Variants in TMC2 observed in about 807,000 individuals in gnomAD.
TMC2 encodes the protein transmembrane channel like 2, also known as transmembrane channel-like protein 2.
A neutral mutation model predicts 105.9 loss-of-function variants in TMC2; 102 were observed. The observed-to-expected ratio is 0.96, with a 90% CI of 0.82 to 1.14. TMC2 has a LOEUF of 1.14. Among genes scored for constraint, TMC2 ranks in the 50% most tolerant of loss-of-function variants. The probability of loss-of-function intolerance (pLI) is 0.00; values close to 1 mark genes in which losing one functional copy is unlikely to be tolerated. For missense variants in TMC2, 1,093 were observed against 1,134.3 expected (o/e 0.96, Z 0.52); for synonymous variants, 402 against 422.8 (o/e 0.95, Z 0.60).
At chr20:2,543,438 G>A (rs2085904173) in intron 2 of TMC2, among the ~76,000 whole-genome samples, 1 of 152,178 alleles carries the variant, frequency 6.6e-6, no homozygotes, top group Non-Finnish European at 1.5e-5. Flanking sequence ...GTCTTTCAAA[G>A]TGAGAGCTGG....
At chr20:2,601,869 C>T (rs1193855955) in intron 10 of TMC2, among the ~76,000 whole-genome samples, 1 of 152,098 alleles carries the variant, frequency 6.6e-6, no homozygotes, top group African/African-American at 2.4e-5. Context: ...CGGAAAGTAC[C>T]ACGTCTGACA....
Position 2,610,454 on chromosome 20 carries a change from T to A in TMC2, c.1449T>A (p.Cys483Ter). The A allele has an allele frequency of 6.2e-7, 1 of 1,612,684 alleles. No individual in the cohort carries two copies. The highest frequency in any genetic ancestry group is 8.5e-7 in the Non-Finnish European group (1 of 1,179,342). The change falls in exon 12 of 20, where the codon TGT becomes TGA. Residue 483 changes from cysteine to a stop codon, truncating the protein, a stop_gained. Transcript: ENST00000358864. LOFTEE classifies it high-confidence loss of function. The stretch of plus-strand genomic sequence containing the variant: ...TGATGTCCCTGCTTGGAATGTTTTG[T>A]CCCCCTCTGTTTGAAACCATCGCTG... ...EIVMSLLGMF[C>*]PPLFETIAAL... is the part of the protein sequence containing the mutation.
intron 2 of TMC2, among the ~76,000 whole-genome samples, chr20:2,537,760 G>A (rs186667639): frequency 2.0e-5 from 3 of 152,236 alleles, no homozygotes; most frequent in Non-Finnish European, 2.9e-5. Context: ...CCCGTGAGCC[G>A]GTGAGGGAGC....
chr20:2,563,134 C>T (rs1370136795), intron 4 of TMC2, among the ~76,000 whole-genome samples: 4 of 152,178 alleles, frequency 2.6e-5, no homozygotes, highest in Non-Finnish European at 5.9e-5. Flanking sequence ...TGGCTCCTCT[C>T]ATACATGAGC....
chr20:2,612,217 C>T lies in TMC2; in HGVS notation c.1620C>T (p.Asn540=). Residue 540 remains asparagine, a synonymous_variant, in exon 13 of 20, where the codon AAC becomes AAT. Transcript: ENST00000358864. Reference sequence around the variant, plus strand: ...TTGCTAATGAAGAGACAATAAAGAACATCACTCACTGGACTCTGTTTAACT... The same window carrying T: ...TTGCTAATGAAGAGACAATAAAGAATATCACTCACTGGACTCTGTTTAACT... ...LKLANEETIK[N]ITHWTLFNYY... 1 of 1,610,442 alleles carries T rather than the reference C, an allele frequency of 6.2e-7. No homozygotes were observed.
chr20:2,588,691 T>TTGTGTGTGTGTGTGTGTGTGTG (rs57035040), intron 7 of TMC2, among the ~76,000 whole-genome samples: 1,766 of 143,488 alleles, frequency 0.012, 42 homozygotes, highest in African/African-American at 0.039. Flanking sequence ...GCATGTGTCT[T>TTGTGTGTGTGTGTGTGTGTGTG]TGTGTGTGTG....
intron 11 of TMC2, among the ~76,000 whole-genome samples, chr20:2,604,920 A>G (rs938558503): frequency 1.3e-5 from 2 of 152,174 alleles, no homozygotes; most frequent in Admixed American, 1.3e-4. Context: ...CAGATAATCT[A>G]GTAATTAAAT....
At chr20:2,543,723 A>G (rs576318162) in intron 2 of TMC2, among the ~76,000 whole-genome samples, 2 of 152,276 alleles carry the variant, frequency 1.3e-5, no homozygotes, top group South Asian at 4.1e-4. Context: ...ATGAGGGAAG[A>G]TGGTTTGAGT....
In TMC2 at chr20:2,594,920, G is replaced by C; in HGVS notation, c.1029G>C (p.Met343Ile). ...LRYRLPMAYFMVGVSVFGYSL... is the reference protein window; with the variant it reads ...LRYRLPMAYFIVGVSVFGYSL... ...ACCGGCTGCCTATGGCTTACTTTAT[G>C]GTGGGGGTCAGCGTGTTCGGCTACA... Residue 343 changes from methionine to isoleucine, a missense_variant, in exon 9 of 20, where the codon ATG becomes ATC. Transcript: ENST00000358864. The C allele has an allele frequency of 1.2e-6, 2 of 1,614,116 alleles. No individual in the cohort carries two copies. The highest frequency in any genetic ancestry group is 2.2e-5 in the South Asian group (2 of 91,076).
rs142393580 is a variant in TMC2, at chr20:2,562,695, C to T, written c.554+685C>T. The stretch of plus-strand genomic sequence containing the variant: ...AACAGTAGACTCACACCTGTAATCC[C>T]AGCACTTTGGGAGGCCAAGGCAGGT... On this transcript the variant is annotated intron_variant, in intron 4 of 19. Coordinates refer to ENST00000358864, the MANE Select transcript of TMC2 (RefSeq NM_080751.3). Among the ~76,000 whole-genome samples the T allele has an allele frequency of 5.6e-3, 860 of 152,300 alleles. 8 individuals carry two copies. The highest frequency in any genetic ancestry group is 0.02 in the African/African-American group (831 of 41,560).
chr20:2,638,301 G>A (rs1413188842), intron 19 of TMC2, among the ~76,000 whole-genome samples: 1 of 137,862 alleles, frequency 7.3e-6, no homozygotes, highest in Non-Finnish European at 1.6e-5. Flanking sequence ...AGCTTGCAAT[G>A]AGCTGAGATT....
At position 2,610,498 on chromosome 20, in the gene TMC2, C is replaced by T. The variant is rs2086428281; in HGVS notation, c.1493C>T (p.Pro498Leu). The change falls in exon 12 of 20, where the codon CCA becomes CTA. Residue 498 changes from proline to leucine, a missense_variant. Physicochemically the swap from Pro to Leu is moderately conservative, Grantham distance 98 (BLOSUM62 -3). Transcript: ENST00000358864. The stretch of plus-strand genomic sequence containing the variant: ...ATCGCTGCCCTGGAGAATTACCACC[C>T]ACGCACTGGACTGAAGTGGCAGCTG... ...ETIAALENYH[P>L]RTGLKWQLGR... The T allele has an allele frequency of 2.5e-6, 4 of 1,613,850 alleles. No individual in the cohort carries two copies. The highest frequency in any genetic ancestry group is 3.3e-5 in the Admixed American group (2 of 59,988).
rs571781992 is a variant in TMC2, at chr20:2,538,187, AGC to A, written c.82+872_82+873del. Among the ~76,000 whole-genome samples the A allele has an allele frequency of 6.1e-4, 93 of 152,100 alleles. 4 individuals carry two copies. The South Asian group carries it at 0.019, about 31-fold the overall frequency. On this transcript the variant is annotated intron_variant, in intron 2 of 19. Transcript: ENST00000358864. ...GACCCGCTGCTGTCTGGTTGTCGGG[AGC>A]CTGAGCTTCAGTGAGGCCGCTGTGT...
rs752251112 is a variant in TMC2, at chr20:2,579,249, T to G, written c.727+22T>G. ...GAAAGTGAGTATGCTGGTGTCACTG[T>G]TTTTTTAATTGGTTTCCTAAAGCGT... On this transcript the variant is annotated intron_variant, in intron 6 of 19. Coordinates refer to ENST00000358864, the MANE Select transcript of TMC2 (RefSeq NM_080751.3). 4.8e-6 allele frequency: 7 copies of G among 1,451,510 alleles called. No homozygotes were observed. The Admixed American group carries it at 1.0e-4, about 21-fold the overall frequency. The allele number at this position is 1,451,510 out of a possible 1,614,324, so 89.9% of individuals were successfully genotyped here.
chr20:2,546,084 G>A (rs1423009548), intron 2 of TMC2, among the ~76,000 whole-genome samples: 3 of 152,186 alleles, frequency 2.0e-5, no homozygotes, highest in Non-Finnish European at 2.9e-5. Context: ...TCTCACAAAA[G>A]GTCCCCAAGT....
rs764935602 is a variant in TMC2 at position 2,594,831 on chromosome 20, A to G, written c.940A>G (p.Ile314Val). 38 of 1,614,074 alleles carry G rather than the reference A, an allele frequency of 2.4e-5. No homozygotes were observed. Among genetic ancestry groups the G allele is most frequent in the Middle Eastern group, 3.3e-4 (2 of 6,062 alleles). Residue 314 changes from isoleucine to valine, a missense_variant, in exon 9 of 20, where the codon ATC (isoleucine) becomes GTC (valine). Physicochemically the swap from Ile to Val is conservative, Grantham distance 29. Transcript: ENST00000358864. Reference sequence around the variant, plus strand: ...TGGCTTTGCTGTCCCCCAGGGCTATATCAAGTACTCTGCACTCTTCTATGG... The same window carrying G: ...TGGCTTTGCTGTCCCCCAGGGCTATGTCAAGTACTCTGCACTCTTCTATGG... ...FSVLWDFEGY[I>V]KYSALFYGYY...
chr20:2,595,321 A>G (rs1238979780), intron 9 of TMC2, among the ~76,000 whole-genome samples: 1 of 152,208 alleles, frequency 6.6e-6, no homozygotes, highest in Non-Finnish European at 1.5e-5. Context: ...GAGAGGGAGC[A>G]TAGTACCTAG....
intron 11 of TMC2, 102 bp from the exon 12 acceptor site, chr20:2,610,317 G>A (rs951837960): frequency 1.8e-6 from 2 of 1,112,810 alleles, no homozygotes; most frequent in Non-Finnish European, 2.6e-6. Flanking sequence ...CGCAGCAGAG[G>A]GGGCAGCAGA....
chr20:2,615,806 T>G (rs1600132792), intron 14 of TMC2, among the ~76,000 whole-genome samples: 3 of 152,364 alleles, frequency 2.0e-5, no homozygotes, highest in Admixed American at 2.0e-4. Context: ...ATTAAAACGT[T>G]GATAAAATGT....
Sources: allele counts gnomAD v4.1 joint callset (sites outside exome capture counted in the v4.1 genomes callset), GRCh38; gene constraint gnomAD v4.1.1; transcripts MANE v1.5; gene names NCBI Gene and HGNC (gene_info 2026-07-23, HGNC 2026-07-21).